Variants in RNGTT observed in about 807,000 individuals in gnomAD.
The protein encoded by RNGTT is RNA guanylyltransferase and 5'-phosphatase.
Under a neutral mutation model 79.3 loss-of-function variants are expected in RNGTT, and 33 were observed. The observed-to-expected ratio is 0.42, with a 90% CI of 0.32 to 0.56. The LOEUF is 0.56. RNGTT is among the 20% of genes least tolerant of loss of function. The pLI is 0.17. For synonymous variants in RNGTT, 222 were observed against 235.9 expected (o/e 0.94, Z 0.54); for missense variants, 497 against 739.1 (o/e 0.67, Z 3.80).
At chr6:88,698,800 T>C (rs1418252663) in intron 13 of RNGTT, among the ~76,000 whole-genome samples, 1 of 152,170 alleles carries the variant, frequency 6.6e-6, no homozygotes, top group East Asian at 1.9e-4. Context: ...ACATAAAGTA[T>C]GAGGGAGTTC....
At chr6:88,617,290 T>C (rs1772267382) in intron 14 of RNGTT, among the ~76,000 whole-genome samples, 1 of 152,198 alleles carries the variant, frequency 6.6e-6, no homozygotes, top group African/African-American at 2.4e-5. Flanking sequence ...ATTTCTCCTA[T>C]GTTATCTTTT....
chr6:88,843,429 TAACA>T (rs1781369135), intron 11 of RNGTT, among the ~76,000 whole-genome samples: 1 of 151,624 alleles, frequency 6.6e-6, no homozygotes, highest in African/African-American at 2.4e-5. Context: ...ATGCAGCACT[TAACA>T]AATAACATGG....
intron 4 of RNGTT, among the ~76,000 whole-genome samples, chr6:88,912,076 C>T (rs532582042): frequency 3.3e-5 from 5 of 151,840 alleles, no homozygotes; most frequent in African/African-American, 1.2e-4. Flanking sequence ...AAGTAAGACC[C>T]TACCTCAAAA....
At chr6:88,918,083 C>T (rs1488082138) in intron 4 of RNGTT, among the ~76,000 whole-genome samples, 2 of 150,610 alleles carry the variant, frequency 1.3e-5, no homozygotes, top group African/African-American at 4.9e-5. Flanking sequence ...TTTAGGAGGC[C>T]GAGGCGGGAA....
At position 88,948,599 on chromosome 6, in the gene RNGTT, G is replaced by A. The variant is rs1221867636; in HGVS notation, c.65-7419C>T. ...AGCCCCTCTGCCCGGCCACCACCCC[G>A]TCTGGGAGGTGTGCCCAACAGCTCA... On this transcript the variant is annotated intron_variant, in intron 1 of 15. Transcript: ENST00000369485. Among the ~76,000 whole-genome samples, 7 of 146,920 alleles carry A rather than the reference G, an allele frequency of 4.8e-5. No homozygotes were observed. In the East Asian group the frequency reaches 6.4e-4, roughly 13 times the overall value.
At chr6:88,951,651 C>G (rs1179695608) in intron 1 of RNGTT, among the ~76,000 whole-genome samples, 1 of 152,060 alleles carries the variant, frequency 6.6e-6, no homozygotes, top group Admixed American at 6.5e-5. Context: ...ATTGGGGAAT[C>G]TGAAAATCCA....
chr6:88,959,751 GA>G lies in RNGTT; in HGVS notation c.64+3594del, dbSNP rs539764785. On this transcript the variant is annotated intron_variant, in intron 1 of 15. Transcript: ENST00000369485. ...ATTCAAATAATCTCATCTCGATGCT[GA>G]AAAAAAAAACTGCAATTGTATGCCA... is the stretch of plus-strand genomic sequence containing the variant. 2.4e-3 allele frequency among the ~76,000 whole-genome samples: 354 copies of G among 146,822 alleles called. 1 individual carries two copies. Among genetic ancestry groups the G allele is most frequent in the African/African-American group, 8.2e-3 (329 of 40,178 alleles).
chr6:88,669,364 G>C (rs527411290), intron 14 of RNGTT, among the ~76,000 whole-genome samples: 1 of 152,356 alleles, frequency 6.6e-6, no homozygotes, highest in South Asian at 2.1e-4. Context: ...GGAGGCCCGA[G>C]AATTAGTGCC....
Position 88,811,896 on chromosome 6 carries a change from C to T in RNGTT, c.1270-10264G>A, listed in dbSNP as rs540170973. ...TTTTATGTGCTTTCATAACTCCCCA[C>T]AAATCCAAGGTTTAGTTTTAAAACC... On this transcript the variant is annotated intron_variant, in intron 11 of 15. Transcript: ENST00000369485. Among the ~76,000 whole-genome samples the T allele has an allele frequency of 2.6e-3, 393 of 152,240 alleles. 1 individual carries two copies. Among genetic ancestry groups the T allele is most frequent in the South Asian group, 7.9e-3 (38 of 4,826 alleles).
Position 88,901,033 on chromosome 6 carries a change from T to C in RNGTT, c.684+3682A>G, listed in dbSNP as rs1275615093. On this transcript the variant is annotated intron_variant, in intron 6 of 15. Coordinates refer to ENST00000369485, the MANE Select transcript of RNGTT (RefSeq NM_003800.5). ...GGTGCACACCTGTAATCCTAGCTACTTGGGAGGCTGAGGCAGGAGAATCGC... is the reference window on the plus strand; with the variant it reads ...GGTGCACACCTGTAATCCTAGCTACCTGGGAGGCTGAGGCAGGAGAATCGC... Among the ~76,000 whole-genome samples the C allele has an allele frequency of 2.0e-5, 3 of 151,546 alleles. No homozygotes were observed. In the South Asian group the frequency reaches 6.2e-4, roughly 32 times the overall value.
intron 14 of RNGTT, among the ~76,000 whole-genome samples, chr6:88,641,366 T>C (rs961868027): frequency 1.0e-4 from 15 of 147,898 alleles, no homozygotes; most frequent in Non-Finnish European, 3.0e-5. Flanking sequence ...AAAATAACCA[T>C]GGTGAAGCTG....
At chr6:88,908,798 C>G (rs759752156) in intron 4 of RNGTT, among the ~76,000 whole-genome samples, 1 of 152,160 alleles carries the variant, frequency 6.6e-6, no homozygotes, top group Non-Finnish European at 1.5e-5. Flanking sequence ...GCCATAGGAC[C>G]ATAGTGTATC....
At chr6:88,838,535 T>C (rs1163642120) in intron 11 of RNGTT, among the ~76,000 whole-genome samples, 1 of 152,012 alleles carries the variant, frequency 6.6e-6, no homozygotes, top group African/African-American at 2.4e-5. Context: ...TATCAAAAAG[T>C]ATGAAATAAA....
chr6:88,614,140 T>C, intron 15 of RNGTT, 132 bp downstream of exon 15: 1 of 819,230 alleles, frequency 1.2e-6, no homozygotes, highest in African/African-American at 1.7e-5. Context: ...TGACGTATCT[T>C]TCCCATCAAA....
intron 8 of RNGTT, among the ~76,000 whole-genome samples, chr6:88,880,558 T>A (rs997097000): frequency 3.9e-5 from 6 of 152,156 alleles, no homozygotes. Context: ...ATTGCAACCA[T>A]AGCACCAGCC....
intron 14 of RNGTT, among the ~76,000 whole-genome samples, chr6:88,640,561 G>GAAAAA (rs1554200146): frequency 8.9e-6 from 1 of 111,988 alleles, no homozygotes; most frequent in African/African-American, 4.2e-5. Flanking sequence ...AAAAAAAAAA[G>GAAAAA]AAAAGAAAAA....
At chr6:88,717,123 T>C (rs1022263651) in intron 13 of RNGTT, among the ~76,000 whole-genome samples, 1 of 152,214 alleles carries the variant, frequency 6.6e-6, no homozygotes, top group Non-Finnish European at 1.5e-5. Flanking sequence ...GGAGCTATAG[T>C]GTAGTAATAC....
intron 9 of RNGTT, among the ~76,000 whole-genome samples, chr6:88,852,974 C>T (rs1024570913): frequency 6.6e-6 from 1 of 152,178 alleles, no homozygotes. Context: ...AGACAAGTTA[C>T]TAACCACATG....
intron 13 of RNGTT, among the ~76,000 whole-genome samples, chr6:88,706,736 T>C (rs1167663484): frequency 6.6e-6 from 1 of 152,100 alleles, no homozygotes; most frequent in Admixed American, 6.5e-5. Context: ...AAGACACAAA[T>C]AAATGTTTTA....
Sources: gnomAD v4.1 joint callset for allele counts (sites outside exome capture counted in the v4.1 genomes callset) on GRCh38, gnomAD v4.1.1 for gene constraint, MANE v1.5 for transcripts, NCBI Gene and HGNC (gene_info 2026-07-23, HGNC 2026-07-21) for gene names.